The following ABCC11 variants were observed in gnomAD, a reference collection of about 807,000 sequenced individuals.
ABCC11 encodes ATP binding cassette subfamily C member 11.
ABCC11 carries 135 observed loss-of-function variants against 149.3 expected under a neutral mutation model. That is an observed-to-expected ratio of 0.90 (90% CI 0.79 to 1.04). The LOEUF is 1.04. Among genes scored for constraint, ABCC11 ranks in the 50% least tolerant of loss-of-function variants. The pLI is 0.00. For missense variants in ABCC11, 1,680 were observed against 1,722.1 expected, an observed-to-expected ratio of 0.98 and a Z score of 0.43; for synonymous variants, 665 against 671.4, an observed-to-expected ratio of 0.99 and a Z score of 0.15.
intron 12 of ABCC11, 36 bp downstream of exon 12, chr16:48,208,389 T>C (rs2150849190): frequency 3.7e-6 from 6 of 1,613,278 alleles, no homozygotes; most frequent in Non-Finnish European, 5.1e-6. Flanking sequence ...CTGGACTGCC[T>C]GCAGACAGGC....
intron 27 of ABCC11, among the ~76,000 whole-genome samples, 177 bp from the exon 28 acceptor site, chr16:48,170,395 T>C (rs1596650192): frequency 6.6e-6 from 1 of 152,196 alleles, no homozygotes; most frequent in African/African-American, 2.4e-5. Flanking sequence ...GGCCTTTGCA[T>C]ACGCTAGCTC....
chr16:48,203,149 C>T lies in ABCC11; in HGVS notation c.1878+79G>A. The T allele has an allele frequency of 3.5e-6, 5 of 1,418,042 alleles. No individual in the cohort carries two copies. The South Asian group carries it at 6.3e-5, about 18-fold the overall frequency. The allele number at this position is 1,418,042 out of a possible 1,614,324, so 87.8% of individuals were successfully genotyped here. On this transcript the variant is annotated intron_variant, in intron 14 of 29. Transcript: ENST00000356608. ...TTTGGGAGGAAGAGCTGGGATTCCT[C>T]CCTTCCCTGCCTGGGGAGGCAGCAT...
At chr16:48,181,711 C>T (rs1237704075) in intron 23 of ABCC11, among the ~76,000 whole-genome samples, 1 of 152,024 alleles carries the variant, frequency 6.6e-6, no homozygotes, top group Non-Finnish European at 1.5e-5. Flanking sequence ...CCCAAGTTCA[C>T]GCCATTCTCC....
At position 48,244,222 on chromosome 16, in the gene ABCC11, T is replaced by G. The variant is rs2150949095; in HGVS notation, c.-19+3092A>C. On this transcript the variant is annotated intron_variant, in intron 1 of 29. Coordinates refer to ENST00000356608, the MANE Select transcript of ABCC11 (RefSeq NM_001370497.1). ...CTCAAGTCTTACCGGGAGGCTCTCC[T>G]AGAGAGCAGCGCGAAGCCATGGCTT... 13 of 555,908 alleles carry G rather than the reference T, an allele frequency of 2.3e-5. 1 individual carries two copies. The South Asian group carries it at 3.0e-4, about 13-fold the overall frequency. The allele number at this position is 555,908 out of a possible 1,614,324, so 34.4% of individuals were successfully genotyped here.
intron 13 of ABCC11, among the ~76,000 whole-genome samples, chr16:48,203,577 G>C (rs945129919): frequency 1.3e-5 from 2 of 152,136 alleles, no homozygotes; most frequent in African/African-American, 4.8e-5. Flanking sequence ...CTCAAAAGCA[G>C]TCACTCTTGG....
chr16:48,242,458 C>T (rs1199292327), intron 1 of ABCC11, among the ~76,000 whole-genome samples: 1 of 152,152 alleles, frequency 6.6e-6, no homozygotes, highest in Non-Finnish European at 1.5e-5. Context: ...GGACTGTAAA[C>T]TAGTTCAACC....
intron 6 of ABCC11, among the ~76,000 whole-genome samples, chr16:48,218,762 T>C (rs560005446): frequency 1.1e-4 from 17 of 152,340 alleles, no homozygotes; most frequent in Non-Finnish European, 2.1e-4. Context: ...CCATGTAAGA[T>C]GTGCCTTTCA....
At chr16:48,231,271 C>A (rs1376019302) in intron 2 of ABCC11, among the ~76,000 whole-genome samples, 1 of 151,726 alleles carries the variant, frequency 6.6e-6, no homozygotes, top group Non-Finnish European at 1.5e-5. Context: ...AATCTAATCT[C>A]TATATAATAT....
intron 22 of ABCC11, among the ~76,000 whole-genome samples, 166 bp from the exon 23 acceptor site, chr16:48,184,792 A>G (rs935432224): frequency 5.9e-5 from 9 of 152,172 alleles, no homozygotes; most frequent in African/African-American, 2.2e-4. Flanking sequence ...TCAGCCATGA[A>G]TTTGGGTGAA....
intron 6 of ABCC11, among the ~76,000 whole-genome samples, chr16:48,220,647 A>G (rs1034269914): frequency 1.3e-5 from 2 of 152,210 alleles, no homozygotes; most frequent in African/African-American, 4.8e-5. Flanking sequence ...TGGTTCTATT[A>G]TTATTCCACA....
chr16:48,174,103 G>A (rs62058524), intron 26 of ABCC11, among the ~76,000 whole-genome samples: 15,880 of 152,198 alleles, frequency 0.1, 934 homozygotes, highest in African/African-American at 0.14. Context: ...CATCCCAGTC[G>A]TAGCTCCCTT....
At chr16:48,201,747 C>T (rs766706414) in intron 14 of ABCC11, among the ~76,000 whole-genome samples, 9 of 152,188 alleles carry the variant, frequency 5.9e-5, no homozygotes, top group Admixed American at 1.3e-4. Context: ...GCTTTACTGA[C>T]GCTGGAAGGA....
intron 14 of ABCC11, among the ~76,000 whole-genome samples, chr16:48,202,718 T>C (rs919237117): frequency 1.3e-5 from 2 of 152,140 alleles, no homozygotes; most frequent in Non-Finnish European, 2.9e-5. Context: ...GTCACTAGAA[T>C]AGCACCTTGC....
At chr16:48,230,349 C>T in intron 3 of ABCC11, 88 bp downstream of exon 3, 1 of 1,441,770 alleles carries the variant, frequency 6.9e-7, no homozygotes, top group Admixed American at 2.5e-5. Flanking sequence ...TGTAGTTATG[C>T]AACCTTCGTG....
In ABCC11 at chr16:48,215,291, G is replaced by A. The variant is rs371860899; in HGVS notation, c.1005C>T (p.Ser335=). The change falls in exon 8 of 30, where the codon AGC becomes AGT. Residue 335 remains serine (S), a synonymous_variant. Transcript: ENST00000356608. ...CACTGGTCACACGGATGCGCTGGTC[G>A]CTGACCTCAGATGTGTGATGCTGAG... ...VKAQHHTSEV[S]DQRIRVTSEV... The A allele has an allele frequency of 2.4e-5, 39 of 1,613,968 alleles. No homozygotes were observed. The highest frequency in any genetic ancestry group is 4.5e-5 in the East Asian group (2 of 44,900).
intron 3 of ABCC11, 59 bp downstream of exon 3, chr16:48,230,378 G>T: frequency 6.7e-7 from 1 of 1,491,126 alleles, no homozygotes; most frequent in Admixed American, 2.2e-5. Context: ...AGTTGGGAGG[G>T]TTGGGGATCA....
Position 48,231,895 on chromosome 16 carries a change from C to T in ABCC11, c.27G>A (p.Val9=). The part of the protein sequence containing the change: MTRKRTYW[V]PNSSGGLVNR... ...TCACGAGGCCACCAGAAGAGTTGGGCACCCAGTATGTCCTCTTCCTAGTCA... is the reference window on the plus strand; with the variant it reads ...TCACGAGGCCACCAGAAGAGTTGGGTACCCAGTATGTCCTCTTCCTAGTCA... The change falls in exon 2 of 30, where the codon GTG becomes GTA. Residue 9 remains valine (V), a synonymous_variant. Transcript: ENST00000356608. The T allele has an allele frequency of 6.2e-7, 1 of 1,614,128 alleles. No homozygotes were observed. The highest frequency in any genetic ancestry group is 8.5e-7 in the Non-Finnish European group (1 of 1,180,024).
chr16:48,205,398 C>T lies in ABCC11; in HGVS notation c.1805+15G>A, dbSNP rs377181554. On this transcript the variant is annotated intron_variant, in intron 13 of 29. Transcript: ENST00000356608. ...ACATGCCCTGTACTCTCCCTTTCCC[C>T]TCCCAGGAGCTTACCGGGCCTTGTC... 4.3e-6 allele frequency: 7 copies of T among 1,614,146 alleles called. No individual in the cohort carries two copies. The highest frequency in any genetic ancestry group is 2.7e-5 in the African/African-American group (2 of 75,070).
rs553262860 is a variant in ABCC11, at chr16:48,219,157, T to C, written c.778-2870A>G. Among the ~76,000 whole-genome samples, 3 of 148,776 alleles carry C rather than the reference T, an allele frequency of 2.0e-5. No individual in the cohort carries two copies. In the South Asian group the frequency reaches 6.3e-4, roughly 31 times the overall value. On this transcript the variant is annotated intron_variant, in intron 6 of 29. Transcript: ENST00000356608. Reference sequence around the variant, plus strand: ...CTTGCATGTGTACCTAAATGGACTGTTTTGGTTTTGGGTTTTTTTTTTTTT... The same window carrying C: ...CTTGCATGTGTACCTAAATGGACTGCTTTGGTTTTGGGTTTTTTTTTTTTT...
Sources: gnomAD v4.1 joint callset for allele counts (sites outside exome capture counted in the v4.1 genomes callset) on GRCh38, gnomAD v4.1.1 for gene constraint, MANE v1.5 for transcripts, NCBI Gene and HGNC (gene_info 2026-07-23, HGNC 2026-07-21) for gene names.